RAB27B: variants seen among roughly 807,000 people sequenced by gnomAD.
The protein encoded by RAB27B is RAB27B, member RAS oncogene family.
In RAB27B, 15 loss-of-function variants were observed where a neutral mutation model predicts 24.6. That is an observed-to-expected ratio of 0.61 (90% CI 0.41 to 0.94). The LOEUF (loss-of-function observed/expected upper bound fraction) is 0.94. RAB27B is among the 40% of genes least tolerant of loss of function. The probability of loss-of-function intolerance (pLI) is 0.00; values close to 1 mark genes in which losing one functional copy is unlikely to be tolerated. For missense variants in RAB27B, 261 were observed against 266.8 expected, an observed-to-expected ratio of 0.98 and a Z score of 0.15; for synonymous variants, 105 against 92.5, an observed-to-expected ratio of 1.14 and a Z score of -0.78.
chr18:54,833,307 A>G (rs886356206), intron 1 of RAB27B, among the ~76,000 whole-genome samples: 1 of 137,864 alleles, frequency 7.3e-6, no homozygotes, highest in African/African-American at 2.8e-5. Flanking sequence ...GCTCATTGCA[A>G]TCTCCCTCCC....
intron 1 of RAB27B, among the ~76,000 whole-genome samples, chr18:54,865,697 G>C (rs1912191240): frequency 6.6e-6 from 1 of 152,162 alleles, no homozygotes; most frequent in Non-Finnish European, 1.5e-5. Context: ...GAAGAATTTG[G>C]AGGGAAATGC....
At chr18:54,741,931 C>G (rs1910085689) in intron 2 of RAB27B, among the ~76,000 whole-genome samples, 1 of 152,164 alleles carries the variant, frequency 6.6e-6, no homozygotes, top group African/African-American at 2.4e-5. Context: ...GAGTTAAATA[C>G]TTGCAAAAAC....
intron 1 of RAB27B, among the ~76,000 whole-genome samples, chr18:54,847,016 A>C (rs1911367462): frequency 6.6e-6 from 1 of 152,006 alleles, no homozygotes. Context: ...ACACATGGCT[A>C]ATTTTTGTAT....
chr18:54,820,112 T>C (rs944959162), intron 2 of RAB27B, among the ~76,000 whole-genome samples: 2 of 152,180 alleles, frequency 1.3e-5, no homozygotes, highest in African/African-American at 2.4e-5. Context: ...CAGCACGATT[T>C]ATAATCCTTT....
At chr18:54,868,772 G>T (rs534774426) in intron 1 of RAB27B, among the ~76,000 whole-genome samples, 10 of 152,210 alleles carry the variant, frequency 6.6e-5, no homozygotes, top group Admixed American at 2.6e-4. Flanking sequence ...GATTACAGAC[G>T]TGTGCCACCA....
At chr18:54,754,060 G>A (rs1464844161) in intron 2 of RAB27B, among the ~76,000 whole-genome samples, 1 of 152,162 alleles carries the variant, frequency 6.6e-6, no homozygotes, top group African/African-American at 2.4e-5. Flanking sequence ...TTAATGATAT[G>A]GTTTGGCTCT....
rs148747981 is a variant in RAB27B, at chr18:54,844,408, C to CTTTTTTT, written c.-20+15720_-20+15726dup. 3.1e-4 allele frequency among the ~76,000 whole-genome samples: 33 copies of CTTTTTTT among 107,872 alleles called. 1 individual carries two copies. Among genetic ancestry groups the CTTTTTTT allele is most frequent in the South Asian group, 6.4e-4 (2 of 3,148 alleles). 70.8% of individuals were successfully genotyped at this position (107,872 alleles called of 152,430 possible). ...TTTCTTTCTTTCTTTCTTTTCTTTT[C>CTTTTTTT]TTTTTTTTTTTTTTTTTTGATACAG... On this transcript the variant is annotated intron_variant, in intron 1 of 5. Transcript: ENST00000262094.
chr18:54,811,912 A>G (rs990301629), intron 2 of RAB27B, among the ~76,000 whole-genome samples: 7 of 152,208 alleles, frequency 4.6e-5, no homozygotes, highest in African/African-American at 1.7e-4. Context: ...CTCAATGCCC[A>G]TATTGCAACT....
At chr18:54,887,902 T>TA (rs1913209566) in intron 4 of RAB27B, 93 bp from the exon 5 acceptor site, 1 of 1,452,780 alleles carries the variant, frequency 6.9e-7, no homozygotes, top group Admixed American at 1.9e-5. Flanking sequence ...AAACTGGAGA[T>TA]AAGCAATTAG....
chr18:54,783,119 G>A (rs1908968037), intron 2 of RAB27B, among the ~76,000 whole-genome samples: 1 of 151,934 alleles, frequency 6.6e-6, no homozygotes, highest in Admixed American at 6.6e-5. Context: ...CATGATGCCT[G>A]GCTAATTTTT....
Position 54,719,134 on chromosome 18 carries a change from G to A in RAB27B, c.-20+993G>A, listed in dbSNP as rs149201502. Among the ~76,000 whole-genome samples the A allele has an allele frequency of 4.4e-3, 674 of 152,116 alleles. 9 individuals are homozygous for A. The highest frequency in any genetic ancestry group is 0.015 in the African/African-American group (634 of 41,484). On this transcript the variant is annotated intron_variant, in intron 2 of 4. Coordinates refer to the RAB27B transcript ENST00000586570. ...ATATTTAACTAAGACACAATGCAAGGCATCAACATTAAAAGTGTGACTTTA... is the reference window on the plus strand; with the variant it reads ...ATATTTAACTAAGACACAATGCAAGACATCAACATTAAAAGTGTGACTTTA...
At chr18:54,887,384 T>TA (rs1568117247) in intron 4 of RAB27B, among the ~76,000 whole-genome samples, 1 of 152,036 alleles carries the variant, frequency 6.6e-6, no homozygotes, top group Non-Finnish European at 1.5e-5. Context: ...ACTGAATACT[T>TA]ACTATGTGCT....
chr18:54,751,599 T>C (rs1598878511), intron 2 of RAB27B, among the ~76,000 whole-genome samples: 1 of 152,290 alleles, frequency 6.6e-6, no homozygotes, highest in South Asian at 2.1e-4. Context: ...GTCATTGGAA[T>C]GTAGCAATGC....
At chr18:54,824,816 T>G (rs534906903), upstream of RAB27B, among the ~76,000 whole-genome samples, 2 of 152,162 alleles carry the variant, frequency 1.3e-5, no homozygotes, top group South Asian at 4.2e-4. Flanking sequence ...ATCTATCATT[T>G]TCTTTCCATT....
intron 2 of RAB27B, among the ~76,000 whole-genome samples, chr18:54,813,401 AC>A (rs1910027350): frequency 6.6e-6 from 1 of 152,156 alleles, no homozygotes; most frequent in African/African-American, 2.4e-5. Flanking sequence ...CCCCAGGTTG[AC>A]AGTGGGATGT....
intron 2 of RAB27B, among the ~76,000 whole-genome samples, chr18:54,775,620 T>A (rs2145079469): frequency 6.6e-6 from 1 of 152,356 alleles, no homozygotes; most frequent in South Asian, 2.1e-4. Context: ...TGACATATGA[T>A]GTTTCCTGCA....
chr18:54,814,587 G>T (rs1387212140), intron 2 of RAB27B, among the ~76,000 whole-genome samples: 10 of 152,066 alleles, frequency 6.6e-5, no homozygotes, highest in African/African-American at 2.4e-4. Flanking sequence ...TTAACAATTG[G>T]CAGGATATAT....
chr18:54,845,587 A>G, intron 1 of RAB27B, among the ~76,000 whole-genome samples: 1 of 151,596 alleles, frequency 6.6e-6, no homozygotes, highest in South Asian at 2.1e-4. Context: ...GTCTGTTCCC[A>G]GGGCCCTGAG....
rs544654356 is a variant in RAB27B at position 54,877,529 on chromosome 18, T to C, written c.-19-38T>C. 1.7e-5 allele frequency: 22 copies of C among 1,321,804 alleles called. No homozygotes were observed. The African/African-American group carries it at 2.3e-4, about 14-fold the overall frequency. 81.9% of individuals were successfully genotyped at this position (1,321,804 alleles called of 1,614,324 possible). On this transcript the variant is annotated intron_variant, in intron 1 of 5. Transcript: ENST00000262094. ...TGATATAAAGCAAAGGAAAATCAACTTTAATCAAAACATACTTGTTTTCCC... is the reference window on the plus strand; with the variant it reads ...TGATATAAAGCAAAGGAAAATCAACCTTAATCAAAACATACTTGTTTTCCC...
Sources: allele counts gnomAD v4.1 joint callset (sites outside exome capture counted in the v4.1 genomes callset), GRCh38; gene constraint gnomAD v4.1.1; transcripts MANE v1.5; gene names NCBI Gene and HGNC (gene_info 2026-07-23, HGNC 2026-07-21).